Variants in SLC25A25 observed in about 807,000 individuals in gnomAD.
SLC25A25 encodes the protein solute carrier family 25 member 25, also known as mitochondrial adenyl nucleotide antiporter SLC25A25.
A neutral mutation model predicts 57.7 loss-of-function variants in SLC25A25; 32 were observed. That is an observed-to-expected ratio of 0.55 (90% CI 0.42 to 0.74). The LOEUF (loss-of-function observed/expected upper bound fraction) is 0.74, where lower values mean the gene tolerates loss of function less well. SLC25A25 is among the 30% of genes least tolerant of loss of function. SLC25A25 has a pLI of 0.00. For missense variants in SLC25A25, 556 were observed against 701.3 expected, an observed-to-expected ratio of 0.79 and a Z score of 2.34; for synonymous variants, 306 against 291.2, an observed-to-expected ratio of 1.05 and a Z score of -0.52.
rs1564174412 is a variant in SLC25A25, at chr9:128,068,274, GCCGCCCCCGCTC to G, written c.-39_-28del. On this transcript the variant is annotated 5_prime_UTR_variant, in exon 1 of 11. Transcript: ENST00000373069. ...CCTCCCGCGCGGTCACCGCCGGCCCGCCGCCCCCGCTCCCGCCCGCGCCCGGAGCCCCTGCCT... is the reference window on the plus strand; with the variant it reads ...CCTCCCGCGCGGTCACCGCCGGCCCGCCGCCCGCGCCCGGAGCCCCTGCCT... 8.5e-7 allele frequency: 1 copy of G among 1,173,444 alleles called. No individual in the cohort carries two copies. The highest frequency in any genetic ancestry group is 4.3e-5 in the Admixed American group (1 of 23,420). 72.7% of individuals were successfully genotyped at this position (1,173,444 alleles called of 1,614,324 possible). A position where few individuals can be genotyped will look rare whatever the true frequency, so the allele number is the denominator to read the frequency against.
chr9:128,106,631 G>A (rs765366904), intron 9 of SLC25A25, 111 bp downstream of exon 9: 20 of 1,308,252 alleles, frequency 1.5e-5, no homozygotes, highest in East Asian at 4.7e-5. Flanking sequence ...CAAAGACTGC[G>A]CCTCCTTCCT....
At position 128,098,780 on chromosome 9, in the gene SLC25A25, G is replaced by C. The variant is rs1358556609; in HGVS notation, c.262-2316G>C. On this transcript the variant is annotated intron_variant, in intron 1 of 10. Coordinates refer to ENST00000373069, the MANE Select transcript of SLC25A25 (RefSeq NM_001330988.2). ...GGCGCATTCAACCGGTATTTGTTGA[G>C]TGAATGGCTGAGCATGCATGAACCA... 3 of 1,592,500 alleles carry C rather than the reference G, an allele frequency of 1.9e-6. No homozygotes were observed. The African/African-American group carries it at 4.0e-5, about 21-fold the overall frequency.
intron 1 of SLC25A25, among the ~76,000 whole-genome samples, chr9:128,084,087 A>G (rs867964322): frequency 6.6e-6 from 1 of 151,982 alleles, no homozygotes; most frequent in African/African-American, 2.4e-5. Flanking sequence ...TGTTCTCTGA[A>G]AAGTACCCAT....
Position 128,101,317 on chromosome 9 carries a change from G to A in SLC25A25, c.397G>A (p.Asp133Asn). 1 of 1,614,254 alleles carries A rather than the reference G, an allele frequency of 6.2e-7. No homozygotes were observed. The change falls in exon 3 of 11, where the codon GAC (aspartate) becomes AAC (asparagine). Residue 133 changes from aspartate (D) to asparagine (N), a missense_variant. This residue lies in a region of SLC25A25 where 248 missense variants were observed against 273.5 expected (regional missense o/e 0.91). Coordinates refer to ENST00000373069, the MANE Select transcript of SLC25A25 (RefSeq NM_001330988.2). This position sits in a 1 kb window ranked among gnomAD's most constrained non-coding sequence, Gnocchi z 4.9. ...SLDKKNDGRI[D>N]AQEIMQSLRD... ...GGCCTCTGTTCTTGCAGGACGCATT[G>A]ACGCGCAGGAGATCATGCAGTCCCT...
At chr9:128,081,620 A>G (rs1235314603) in intron 1 of SLC25A25, among the ~76,000 whole-genome samples, 1 of 152,106 alleles carries the variant, frequency 6.6e-6, no homozygotes, top group Admixed American at 6.6e-5. Context: ...TCATGCTCTT[A>G]TAAGAGCAGA....
intron 1 of SLC25A25, chr9:128,091,583 T>C: frequency 9.2e-7 from 1 of 1,088,592 alleles, no homozygotes; most frequent in Non-Finnish European, 1.1e-6. Context: ...AAACGTTTGC[T>C]CACCATCACC....
rs181291095 is a variant in SLC25A25 at position 128,101,868 on chromosome 9, G to T, written c.477-212G>T. Among the ~76,000 whole-genome samples, 9 of 152,312 alleles carry T rather than the reference G, an allele frequency of 5.9e-5. No individual in the cohort carries two copies. Among genetic ancestry groups the T allele is most frequent in the African/African-American group, 2.2e-4 (9 of 41,564 alleles). On this transcript the variant is annotated intron_variant, in intron 3 of 10. Coordinates refer to ENST00000373069, the MANE Select transcript of SLC25A25 (RefSeq NM_001330988.2). The surrounding 1 kb of genome is among the most constrained non-coding windows in gnomAD (Gnocchi z 4.9). ...TCATGGAACAGCCCTGGGAGTTGCC[G>T]TCTGTCCTGGCTGGACCTTCCGGAA...
At chr9:128,070,928 C>G (rs1588741908) in intron 1 of SLC25A25, among the ~76,000 whole-genome samples, 1 of 93,152 alleles carries the variant, frequency 1.1e-5, no homozygotes, top group Non-Finnish European at 2.0e-5. Flanking sequence ...CCAGCCTGGG[C>G]AACAAGAGTG....
intron 1 of SLC25A25, among the ~76,000 whole-genome samples, chr9:128,077,516 TAA>T (rs567869070): frequency 3.0e-5 from 3 of 100,296 alleles, no homozygotes; most frequent in Non-Finnish European, 3.9e-5. Context: ...GACTCCGTCT[TAA>T]AAAAAAAAAA....
intron 1 of SLC25A25, chr9:128,100,894 A>G (rs1833764616): frequency 1.6e-6 from 1 of 639,134 alleles, no homozygotes; most frequent in African/African-American, 1.8e-5. Context: ...GGTTCTGGCC[A>G]GCACCTGGGG....
At chr9:128,105,548 G>A (rs1833989049) in intron 6 of SLC25A25, among the ~76,000 whole-genome samples, 181 bp from the exon 7 acceptor site, 1 of 152,206 alleles carries the variant, frequency 6.6e-6, no homozygotes, top group African/African-American at 2.4e-5. Flanking sequence ...GTACGATGGA[G>A]CTGAGCCTCA....
chr9:128,076,182 C>T (rs569551108), intron 1 of SLC25A25, among the ~76,000 whole-genome samples: 7 of 151,932 alleles, frequency 4.6e-5, no homozygotes, highest in Admixed American at 1.3e-4. Context: ...CCCAGGCTGG[C>T]GTTCAGTGGT....
intron 1 of SLC25A25, among the ~76,000 whole-genome samples, chr9:128,069,670 C>T (rs74456626): frequency 0.033 from 5,023 of 152,210 alleles, 244 homozygotes; most frequent in African/African-American, 0.11. Flanking sequence ...TTAGCGCTAA[C>T]TATTAGGATC....
chr9:128,075,933 C>T (rs953169505), intron 1 of SLC25A25, among the ~76,000 whole-genome samples: 3 of 152,158 alleles, frequency 2.0e-5, no homozygotes, highest in African/African-American at 7.2e-5. Context: ...TGCTGGTATT[C>T]ATTTCTTCAT....
intron 1 of SLC25A25, among the ~76,000 whole-genome samples, chr9:128,078,341 G>A (rs1161935265): frequency 6.6e-6 from 1 of 152,134 alleles, no homozygotes; most frequent in African/African-American, 2.4e-5. Flanking sequence ...GGTGAAAAGC[G>A]AAAGGCAAGG....
In SLC25A25 at chr9:128,086,173, T is replaced by TTG. The variant is rs386416278; in HGVS notation, c.262-14922_262-14921insGT. 8.0e-4 allele frequency among the ~76,000 whole-genome samples: 11 copies of TTG among 13,680 alleles called. No individual in the cohort carries two copies. In the South Asian group the frequency reaches 0.022, roughly 27 times the overall value. 9.0% of individuals were successfully genotyped at this position (13,680 alleles called of 152,430 possible). ...AGTTGGGTGTTTGTTTTTGTTGTTG[T>TTG]TTTTTTTTAGACAAGATCTCACTCT... On this transcript the variant is annotated intron_variant, in intron 1 of 10. Coordinates refer to ENST00000373069, the MANE Select transcript of SLC25A25 (RefSeq NM_001330988.2).
chr9:128,087,365 G>A (rs932336423), intron 1 of SLC25A25, among the ~76,000 whole-genome samples: 4 of 152,022 alleles, frequency 2.6e-5, no homozygotes, highest in Admixed American at 6.5e-5. Flanking sequence ...GGGTTCAAGC[G>A]ATTCTCCTGC....
chr9:128,077,516 T>TAAAGAAAAAAAAAAAAA (rs1833044323), intron 1 of SLC25A25, among the ~76,000 whole-genome samples: 1 of 100,364 alleles, frequency 1.0e-5, no homozygotes, highest in African/African-American at 5.0e-5. Context: ...GACTCCGTCT[T>TAAAGAAAAAAAAAAAAA]AAAAAAAAAA....
chr9:128,091,322 A>C (rs1213712604), intron 1 of SLC25A25: 4 of 554,972 alleles, frequency 7.2e-6, no homozygotes, highest in Non-Finnish European at 4.6e-6. Context: ...GCCGGGCTTC[A>C]TGCAGGCAAT....
Sources: gnomAD v4.1 joint callset for allele counts (sites outside exome capture counted in the v4.1 genomes callset) on GRCh38, gnomAD v4.1.1 for gene constraint, gnomAD v4.1.1 regional missense constraint, Gnocchi (gnomAD v3.1) non-coding constraint, MANE v1.5 for transcripts, NCBI Gene and HGNC (gene_info 2026-07-23, HGNC 2026-07-21) for gene names.